The following PRKACA variants were observed in gnomAD, a reference collection of about 807,000 sequenced individuals.
PRKACA encodes the protein cAMP-dependent protein kinase catalytic subunit alpha.
PRKACA carries 9 observed loss-of-function variants against 45.8 expected under a neutral mutation model. The observed-to-expected ratio is 0.20, with a 90% confidence interval of 0.12 to 0.34. The LOEUF (loss-of-function observed/expected upper bound fraction) is 0.34. Among genes scored for constraint, PRKACA ranks in the 10% least tolerant of loss-of-function variants. The pLI is 1.00. For synonymous variants in PRKACA, 160 were observed against 178.6 expected (o/e 0.90, Z 0.83); for missense variants, 238 against 458.6 (o/e 0.52, Z 4.39).
At chr19:14,098,787 C>T (rs1977346482) in intron 5 of PRKACA, among the ~76,000 whole-genome samples, 2 of 147,746 alleles carry the variant, frequency 1.4e-5, no homozygotes, top group Non-Finnish European at 3.0e-5. Flanking sequence ...AGCCATGGCA[C>T]CCGGCCTCCA....
Position 14,117,485 on chromosome 19 carries a change from A to G in PRKACA, c.46+17T>C. 1 of 1,255,900 alleles carries G rather than the reference A, an allele frequency of 8.0e-7. No individual in the cohort carries two copies. The highest frequency in any genetic ancestry group is 1.0e-6 in the Non-Finnish European group (1 of 995,574). The allele number at this position is 1,255,900 out of a possible 1,614,324, so 77.8% of individuals were successfully genotyped here. On this transcript the variant is annotated intron_variant, in intron 1 of 9. Coordinates refer to ENST00000308677, the MANE Select transcript of PRKACA (RefSeq NM_002730.4). ...GCAGCGCAGGGCCAAGATCGGGGTCACAGCCCGGGCACTCACCGCTCTCCT... is the reference window on the plus strand; with the variant it reads ...GCAGCGCAGGGCCAAGATCGGGGTCGCAGCCCGGGCACTCACCGCTCTCCT...
chr19:14,114,437 T>C (rs752178961), intron 1 of PRKACA, among the ~76,000 whole-genome samples: 3 of 152,062 alleles, frequency 2.0e-5, no homozygotes, highest in Non-Finnish European at 4.4e-5. Context: ...CAGAAGGTGT[T>C]TGGCCGTCTT....
At chr19:14,107,929 A>C in intron 1 of PRKACA, 2 of 987,208 alleles carry the variant, frequency 2.0e-6, no homozygotes, top group Non-Finnish European at 2.4e-6. Context: ...AGCTGGTTCA[A>C]GGGAAGTCTC....
Position 14,097,197 on chromosome 19 carries a change from G to A in PRKACA, c.765+164C>T, listed in dbSNP as rs1354407367. On this transcript the variant is annotated intron_variant, in intron 8 of 9. Coordinates refer to ENST00000308677, the MANE Select transcript of PRKACA (RefSeq NM_002730.4). The surrounding 1 kb of genome is among the most constrained non-coding windows in gnomAD (Gnocchi z 5.4). ...GGGGCTGGACAGCAAGGGGGCTTGA[G>A]GTGTTGGCCTCAGTGTGGCCGGCGC... 9.5e-7 allele frequency: 1 copy of A among 1,053,624 alleles called. No individual in the cohort carries two copies. The highest frequency in any genetic ancestry group is 1.4e-6 in the Non-Finnish European group (1 of 715,748). The allele number at this position is 1,053,624 out of a possible 1,614,324, so 65.3% of individuals were successfully genotyped here. A position where few individuals can be genotyped will look rare whatever the true frequency, so the allele number is the denominator to read the frequency against.
At chr19:14,108,062 C>T (rs757613568) in intron 1 of PRKACA, 43 of 985,464 alleles carry the variant, frequency 4.4e-5, no homozygotes, top group East Asian at 2.3e-4. Context: ...CTGACTCACT[C>T]GGCAACCTGC....
chr19:14,103,576 G>T (rs1282077753), intron 3 of PRKACA, among the ~76,000 whole-genome samples: 2 of 152,180 alleles, frequency 1.3e-5, no homozygotes, highest in Non-Finnish European at 2.9e-5. Flanking sequence ...TGTCAGGCTG[G>T]TGTGTAACAT....
At chr19:14,108,802 A>G (rs1367920651) in intron 1 of PRKACA, among the ~76,000 whole-genome samples, 5 of 148,490 alleles carry the variant, frequency 3.4e-5, no homozygotes, top group Non-Finnish European at 7.4e-5. Context: ...ATCTCAGCTC[A>G]CTGCAACCTC....
intron 1 of PRKACA, chr19:14,114,330 G>A (rs1385654186): frequency 6.4e-6 from 5 of 777,838 alleles, no homozygotes; most frequent in Non-Finnish European, 1.1e-5. Flanking sequence ...GTGGAGGAGG[G>A]ACAGATAGGG....
chr19:14,103,433 T>C, intron 3 of PRKACA, among the ~76,000 whole-genome samples: 1 of 152,138 alleles, frequency 6.6e-6, no homozygotes. Context: ...GCAGATGCCA[T>C]GAGCAGGCAC....
rs543988181 is a variant in PRKACA at position 14,097,164 on chromosome 19, G to T, written c.765+197C>A. 2.7e-4 allele frequency: 207 copies of T among 754,550 alleles called. 1 individual carries two copies. In the African/African-American group the frequency reaches 3.2e-3, roughly 12 times the overall value. 46.7% of individuals were successfully genotyped at this position (754,550 alleles called of 1,614,324 possible). On this transcript the variant is annotated intron_variant, in intron 8 of 9. Transcript: ENST00000308677. This position sits in a 1 kb window ranked among gnomAD's most constrained non-coding sequence, Gnocchi z 5.4. ...TGGAAGCCCATGGGATTCTGGAACC[G>T]CGGGGTTGGGGCTGGACAGCAAGGG...
chr19:14,094,467 G>A (rs776566210), intron 8 of PRKACA, among the ~76,000 whole-genome samples: 7 of 152,232 alleles, frequency 4.6e-5, no homozygotes, highest in Non-Finnish European at 7.3e-5. Context: ...GGGATTACAG[G>A]TGTGAGCCAC....
Position 14,092,803 on chromosome 19 carries a change from TGAGAAACTC to T in PRKACA, c.*300_*308del. On this transcript the variant is annotated 3_prime_UTR_variant, in exon 10 of 10. Coordinates refer to ENST00000308677, the MANE Select transcript of PRKACA (RefSeq NM_002730.4). ...CAGCAAGACCTGGTCTGACTGGAGT[TGAGAAACTC>T]GTTTAAAACAGGCAGAAGTGGGCTG... 4.3e-6 allele frequency: 2 copies of T among 465,542 alleles called. No homozygotes were observed. The highest frequency in any genetic ancestry group is 6.1e-5 in the East Asian group (2 of 32,980). The allele number at this position is 465,542 out of a possible 1,614,324, so 28.8% of individuals were successfully genotyped here.
At chr19:14,109,999 T>TATATACACACACACACAC (rs1555774928) in intron 1 of PRKACA, among the ~76,000 whole-genome samples, 2 of 55,476 alleles carry the variant, frequency 3.6e-5, no homozygotes, top group Admixed American at 2.4e-4. Context: ...TATATATATA[T>TATATACACACACACACAC]ACACACACAC....
chr19:14,116,062 A>G (rs1967099220), intron 1 of PRKACA, among the ~76,000 whole-genome samples: 1 of 152,194 alleles, frequency 6.6e-6, no homozygotes, highest in African/African-American at 2.4e-5. Context: ...GTATGGGAAT[A>G]AAGTTCCCTG....
chr19:14,112,975 C>T (rs977549182), intron 1 of PRKACA, among the ~76,000 whole-genome samples: 1 of 152,138 alleles, frequency 6.6e-6, no homozygotes, highest in Non-Finnish European at 1.5e-5. Context: ...GGGCGGGGGG[C>T]GACAAGAGCC....
intron 5 of PRKACA, among the ~76,000 whole-genome samples, chr19:14,099,284 C>A: frequency 6.6e-6 from 1 of 152,152 alleles, no homozygotes; most frequent in East Asian, 1.9e-4. Context: ...AAGAGTGAAA[C>A]TCTGTCTCAA....
At position 14,097,704 on chromosome 19, in the gene PRKACA, GGA is replaced by G; in HGVS notation, c.547-32_547-31del. 6.2e-7 allele frequency: 1 copy of G among 1,612,076 alleles called. No individual in the cohort carries two copies. The highest frequency in any genetic ancestry group is 8.5e-7 in the Non-Finnish European group (1 of 1,178,522). On this transcript the variant is annotated intron_variant, in intron 6 of 9. Transcript: ENST00000308677. The surrounding 1 kb of genome is among the most constrained non-coding windows in gnomAD (Gnocchi z 5.4). ...GGGCACAAGAACAGGCAGTTGGCAG[GGA>G]GGAAGGGTCCAGGCCACGGCTTCCC...
At chr19:14,094,451 A>G (rs1206724220) in intron 8 of PRKACA, among the ~76,000 whole-genome samples, 1 of 152,200 alleles carries the variant, frequency 6.6e-6, no homozygotes, top group African/African-American at 2.4e-5. Flanking sequence ...GGCCTCCCAA[A>G]GTGTTGGGAT....
At chr19:14,109,968 ATATATATATATATATATAT>A (rs1966913934) in intron 1 of PRKACA, among the ~76,000 whole-genome samples, 1 of 42,478 alleles carries the variant, frequency 2.4e-5, no homozygotes, top group East Asian at 6.8e-4. Flanking sequence ...AAAAAAAAAT[ATATATATATATATATATAT>A]ATATATATAT....
Sources: gnomAD v4.1 joint callset for allele counts (sites outside exome capture counted in the v4.1 genomes callset) on GRCh38, gnomAD v4.1.1 for gene constraint, Gnocchi (gnomAD v3.1) non-coding constraint, MANE v1.5 for transcripts, NCBI Gene and HGNC (gene_info 2026-07-23, HGNC 2026-07-21) for gene names.